The following ROBO2 variants were observed in gnomAD, a reference collection of about 807,000 sequenced individuals.
ROBO2 encodes roundabout guidance receptor 2.
In ROBO2, 53 loss-of-function variants were observed where a neutral mutation model predicts 160.8. The ratio of observed to expected loss-of-function variants is 0.33; its 90% CI spans 0.26 to 0.41. The LOEUF (loss-of-function observed/expected upper bound fraction) is 0.41. Among genes scored for constraint, ROBO2 ranks in the 10% least tolerant of loss-of-function variants. The pLI is 1.00. For missense variants in ROBO2, 1,577 were observed against 1,722.4 expected (o/e 0.92, Z 1.49); for synonymous variants, 664 against 611.7 (o/e 1.09, Z -1.26).
intron 2 of ROBO2, among the ~76,000 whole-genome samples, chr3:77,262,558 A>T (rs750073463): frequency 2.6e-5 from 4 of 152,250 alleles, no homozygotes; most frequent in Admixed American, 6.5e-5. Flanking sequence ...TCCCTGAGGT[A>T]CATCTGGCAG....
chr3:76,989,899 T>A (rs1299193311), intron 2 of ROBO2, among the ~76,000 whole-genome samples: 1 of 152,178 alleles, frequency 6.6e-6, no homozygotes, highest in African/African-American at 2.4e-5. Context: ...GGCATAGTTG[T>A]GTTTCTTTTA....
In ROBO2 at chr3:77,274,992, T is replaced by C. The variant is rs532210974; in HGVS notation, c.388+176652T>C. On this transcript the variant is annotated intron_variant, in intron 2 of 25. Transcript: ENST00000461745. ...AACATTCTTTTGGGTACTTAATGAA[T>C]ATTTTTCAAATAAATATCTGAATTA... 6.6e-5 allele frequency among the ~76,000 whole-genome samples: 10 copies of C among 152,260 alleles called. No individual in the cohort carries two copies. In the South Asian group the frequency reaches 1.9e-3, roughly 28 times the overall value.
intron 2 of ROBO2, among the ~76,000 whole-genome samples, chr3:75,961,767 A>C (rs1193933802): frequency 6.6e-6 from 1 of 151,672 alleles, no homozygotes; most frequent in East Asian, 2.0e-4. Context: ...ATATTGAGAA[A>C]GATTGAGGAG....
intron 2 of ROBO2, chr3:75,964,912 C>T (rs2107308552): frequency 6.9e-6 from 1 of 145,702 alleles, no homozygotes; most frequent in East Asian, 2.0e-4. Flanking sequence ...TTATATGTTT[C>T]CCAGAATAGT....
At position 77,292,833 on chromosome 3, in the gene ROBO2, G is replaced by A. The variant is rs543654991; in HGVS notation, c.389-184581G>A. Among the ~76,000 whole-genome samples the A allele has an allele frequency of 1.9e-4, 28 of 150,082 alleles. 1 individual carries two copies. The highest frequency in any genetic ancestry group is 3.0e-4 in the Non-Finnish European group (20 of 67,114). On this transcript the variant is annotated intron_variant, in intron 2 of 25. Coordinates refer to ENST00000461745, the Ensembl canonical transcript of ROBO2. ...ACCCCAGATATAAAGTAAAACTGAC[G>A]GTTAAACGGGTAAGCTGAGGCTAGA...
At chr3:76,845,024 CTGCTGATCAAAA>C (rs2068645347) in intron 2 of ROBO2, among the ~76,000 whole-genome samples, 1 of 151,912 alleles carries the variant, frequency 6.6e-6, no homozygotes, top group Non-Finnish European at 1.5e-5. Context: ...TGCATATTCT[CTGCTGATCAAAA>C]TGCAGTTGTG....
intron 2 of ROBO2, among the ~76,000 whole-genome samples, chr3:76,807,611 G>T (rs2064832635): frequency 6.6e-6 from 1 of 151,952 alleles, no homozygotes; most frequent in African/African-American, 2.4e-5. Context: ...GAAGTAAACT[G>T]AGTTCTTTGT....
chr3:76,945,896 C>T (rs902155288), intron 2 of ROBO2, among the ~76,000 whole-genome samples: 40 of 151,926 alleles, frequency 2.6e-4, no homozygotes, highest in Admixed American at 2.4e-3. Flanking sequence ...GTCTATTATC[C>T]GTATTATTTT....
intron 2 of ROBO2, among the ~76,000 whole-genome samples, chr3:76,864,542 C>T (rs1430428301): frequency 6.6e-6 from 1 of 151,938 alleles, no homozygotes; most frequent in East Asian, 1.9e-4. Context: ...GACATCATAC[C>T]ATTTCTTACT....
At chr3:77,410,812 T>C (rs1435424548) in intron 2 of ROBO2, among the ~76,000 whole-genome samples, 2 of 142,384 alleles carry the variant, frequency 1.4e-5, no homozygotes, top group East Asian at 2.4e-4. Context: ...TCCTCCTCCT[T>C]CTTCTCCTTC....
intron 2 of ROBO2, among the ~76,000 whole-genome samples, chr3:76,273,477 AG>A: frequency 6.6e-6 from 1 of 152,168 alleles, no homozygotes; most frequent in East Asian, 1.9e-4. Context: ...TAAAGAAAAG[AG>A]GTTTAATTGA....
At chr3:77,103,014 G>A (rs2072218994) in intron 2 of ROBO2, among the ~76,000 whole-genome samples, 1 of 152,098 alleles carries the variant, frequency 6.6e-6, no homozygotes, top group African/African-American at 2.4e-5. Context: ...TTTTCCAATG[G>A]GACCACCAGG....
Position 75,987,260 on chromosome 3 carries a change from C to T in ROBO2, c.109+49658C>T, listed in dbSNP as rs918012802. Among the ~76,000 whole-genome samples the T allele has an allele frequency of 2.6e-5, 4 of 151,756 alleles. No homozygotes were observed. In the East Asian group the frequency reaches 7.7e-4, roughly 29 times the overall value. On this transcript the variant is annotated intron_variant, in intron 2 of 26. Coordinates refer to the ROBO2 transcript ENST00000487694. Reference sequence around the variant, plus strand: ...TTTCATTTTACAAGTCTTTCATATCCCTGGCTAAGTTAATTACTAAGTATT... The same window carrying T: ...TTTCATTTTACAAGTCTTTCATATCTCTGGCTAAGTTAATTACTAAGTATT...
At chr3:77,025,549 G>C (rs1405463381) in intron 2 of ROBO2, among the ~76,000 whole-genome samples, 1 of 152,164 alleles carries the variant, frequency 6.6e-6, no homozygotes, top group Non-Finnish European at 1.5e-5. Context: ...TGAACATAAA[G>C]GGGGATGACA....
intron 2 of ROBO2, among the ~76,000 whole-genome samples, chr3:76,444,917 C>T (rs1338093117): frequency 6.6e-6 from 1 of 152,082 alleles, no homozygotes; most frequent in Non-Finnish European, 1.5e-5. Context: ...GCCATTTCAT[C>T]AAAATTATAT....
intron 4 of ROBO2, among the ~76,000 whole-genome samples, 176 bp downstream of exon 4, chr3:77,481,395 G>T (rs1418348586): frequency 6.6e-6 from 1 of 152,080 alleles, no homozygotes; most frequent in Non-Finnish European, 1.5e-5. Flanking sequence ...TCGATGTAAA[G>T]AAAAAATTAT....
intron 2 of ROBO2, among the ~76,000 whole-genome samples, chr3:77,196,974 AAAG>A (rs906867339): frequency 2.0e-5 from 3 of 147,562 alleles, no homozygotes; most frequent in African/African-American, 7.3e-5. Flanking sequence ...TGCTTTTGAT[AAAG>A]AAGAAGGTAG....
intron 2 of ROBO2, among the ~76,000 whole-genome samples, chr3:76,404,460 G>T (rs1164675062): frequency 6.6e-6 from 1 of 151,514 alleles, no homozygotes; most frequent in African/African-American, 2.4e-5. Context: ...GAATAGTAAT[G>T]CCATTGGCCT....
At chr3:77,357,783 T>A (rs4683994) in intron 2 of ROBO2, among the ~76,000 whole-genome samples, 130,302 of 152,160 alleles carry the variant, frequency 0.86, 55,758 homozygotes, top group Non-Finnish European at 0.87. Context: ...CTTAAATCAG[T>A]TGGGTTATTA....
Sources: allele counts gnomAD v4.1 joint callset (sites outside exome capture counted in the v4.1 genomes callset), GRCh38; gene constraint gnomAD v4.1.1; transcripts MANE v1.5; gene names NCBI Gene and HGNC (gene_info 2026-07-23, HGNC 2026-07-21).